The following MDGA2 variants were observed in gnomAD, a reference collection of about 807,000 sequenced individuals.
MDGA2 encodes MAM domain-containing glycosylphosphatidylinositol anchor protein 2.
MDGA2 carries 40 observed loss-of-function variants against 117.8 expected under a neutral mutation model. The observed-to-expected ratio is 0.34, with a 90% confidence interval of 0.26 to 0.44. The LOEUF (loss-of-function observed/expected upper bound fraction) is 0.44. MDGA2 is among the 20% of genes least tolerant of loss of function. MDGA2 has a pLI of 1.00. For missense variants in MDGA2, 1,123 were observed against 1,250.6 expected, an observed-to-expected ratio of 0.90 and a Z score of 1.54; for synonymous variants, 452 against 439.0, an observed-to-expected ratio of 1.03 and a Z score of -0.37.
chr14:47,098,162 G>GT (rs113151791), intron 5 of MDGA2, among the ~76,000 whole-genome samples: 11 of 141,686 alleles, frequency 7.8e-5, no homozygotes, highest in African/African-American at 2.1e-4. Context: ...ATTGTACTGT[G>GT]TTTTTTTTAA....
intron 1 of MDGA2, among the ~76,000 whole-genome samples, chr14:47,413,855 G>C (rs1892423063): frequency 2.0e-5 from 3 of 151,960 alleles, no homozygotes; most frequent in African/African-American, 7.2e-5. Flanking sequence ...CATGGCAACA[G>C]CATGGTTAGA....
At chr14:47,287,279 G>T (rs1327951202) in intron 2 of MDGA2, among the ~76,000 whole-genome samples, 1 of 152,004 alleles carries the variant, frequency 6.6e-6, no homozygotes, top group Non-Finnish European at 1.5e-5. Context: ...TGTTTACTTA[G>T]TTAGCAAAGA....
intron 1 of MDGA2, among the ~76,000 whole-genome samples, chr14:47,494,208 T>A (rs1178685310): frequency 6.6e-6 from 1 of 152,216 alleles, no homozygotes; most frequent in Non-Finnish European, 1.5e-5. Context: ...CTTTATAAAT[T>A]GCCCAGTCTT....
intron 9 of MDGA2, among the ~76,000 whole-genome samples, chr14:46,939,182 A>C (rs1249701834): frequency 6.6e-6 from 1 of 152,088 alleles, no homozygotes; most frequent in Non-Finnish European, 1.5e-5. Flanking sequence ...AGGAGGGATA[A>C]ATTGTAGTGT....
rs568972742 is a variant in MDGA2 at position 47,341,066 on chromosome 14, G to A, written c.281-39516C>T. Among the ~76,000 whole-genome samples the A allele has an allele frequency of 7.9e-5, 12 of 152,230 alleles. No homozygotes were observed. In the East Asian group the frequency reaches 2.1e-3, roughly 27 times the overall value. On this transcript the variant is annotated intron_variant, in intron 1 of 16. Transcript: ENST00000399232. ...GCCTTATCTTCACATTTTAACAGCA[G>A]CTTGTTGTTGCTTTCTATATAAGAA...
intron 1 of MDGA2, among the ~76,000 whole-genome samples, chr14:47,594,405 G>A (rs1220328338): frequency 6.6e-6 from 1 of 152,186 alleles, no homozygotes; most frequent in Non-Finnish European, 1.5e-5. Context: ...GAGAGCATGT[G>A]CATAAATTCA....
chr14:47,665,642 C>T (rs1047823023), intron 1 of MDGA2, among the ~76,000 whole-genome samples: 4 of 152,276 alleles, frequency 2.6e-5, no homozygotes, highest in Admixed American at 1.3e-4. Context: ...CTGGCCCTGC[C>T]GGCCCTGAGC....
At chr14:47,225,327 C>G (rs930241785) in intron 2 of MDGA2, among the ~76,000 whole-genome samples, 2 of 151,842 alleles carry the variant, frequency 1.3e-5, no homozygotes, top group East Asian at 3.9e-4. Flanking sequence ...ACCCAAAGGA[C>G]TATAAATCAT....
intron 1 of MDGA2, among the ~76,000 whole-genome samples, chr14:47,373,863 A>AT (rs889154105): frequency 7.9e-5 from 12 of 152,138 alleles, no homozygotes; most frequent in African/African-American, 2.9e-4. Flanking sequence ...CCTATGACCA[A>AT]TTTTTTCAAC....
chr14:46,918,082 C>G (rs1264750535), intron 10 of MDGA2, among the ~76,000 whole-genome samples: 1 of 152,032 alleles, frequency 6.6e-6, no homozygotes, highest in African/African-American at 2.4e-5. Context: ...AAACACACAG[C>G]TAGTAATGGG....
intron 2 of MDGA2, among the ~76,000 whole-genome samples, chr14:47,235,082 A>G (rs1239709596): frequency 6.6e-6 from 1 of 152,196 alleles, no homozygotes; most frequent in African/African-American, 2.4e-5. Context: ...CATCACTTAC[A>G]ATATTGTCTT....
At chr14:47,660,507 C>G (rs1054572985) in intron 1 of MDGA2, among the ~76,000 whole-genome samples, 18 of 152,198 alleles carry the variant, frequency 1.2e-4, no homozygotes, top group African/African-American at 4.3e-4. Context: ...CTGAGGAACT[C>G]ACTGTCAGCT....
chr14:47,381,176 A>T (rs553222853), intron 1 of MDGA2, among the ~76,000 whole-genome samples: 1 of 152,204 alleles, frequency 6.6e-6, no homozygotes, highest in South Asian at 2.1e-4. Context: ...CAAGCTAAAA[A>T]CTCTCAATAA....
chr14:47,184,545 A>G (rs1035702323), intron 3 of MDGA2, among the ~76,000 whole-genome samples: 1 of 151,886 alleles, frequency 6.6e-6, no homozygotes, highest in Non-Finnish European at 1.5e-5. Context: ...TTCATCACCT[A>G]TAAGACTAGC....
intron 8 of MDGA2, among the ~76,000 whole-genome samples, chr14:47,021,895 C>T (rs1479561101): frequency 6.6e-6 from 1 of 152,090 alleles, no homozygotes; most frequent in Non-Finnish European, 1.5e-5. Context: ...TATCATGCCC[C>T]TATTCCAGAC....
chr14:47,408,869 G>C (rs1321543875), intron 1 of MDGA2, among the ~76,000 whole-genome samples: 1 of 152,184 alleles, frequency 6.6e-6, no homozygotes, highest in South Asian at 2.1e-4. Context: ...CTCTTATCAA[G>C]AAGGTAATAT....
At chr14:47,270,290 C>T (rs1358635396) in intron 2 of MDGA2, among the ~76,000 whole-genome samples, 2 of 152,008 alleles carry the variant, frequency 1.3e-5, no homozygotes, top group African/African-American at 2.4e-5. Flanking sequence ...TTTTCTACTG[C>T]GTGTATGTGC....
chr14:47,561,154 T>TTTG (rs1566515913), intron 1 of MDGA2, among the ~76,000 whole-genome samples: 1 of 39,238 alleles, frequency 2.5e-5, no homozygotes, highest in South Asian at 1.1e-3. Flanking sequence ...TTTTTTTTTG[T>TTTG]TTTGTTTTGT....
intron 5 of MDGA2, among the ~76,000 whole-genome samples, chr14:47,122,429 G>C (rs1594645008): frequency 6.6e-6 from 1 of 152,198 alleles, no homozygotes; most frequent in Middle Eastern, 3.4e-3. Flanking sequence ...GGACTATTGG[G>C]TTTCCCAGGA....
Sources: allele counts gnomAD v4.1 joint callset (sites outside exome capture counted in the v4.1 genomes callset), GRCh38; gene constraint gnomAD v4.1.1; transcripts MANE v1.5; gene names NCBI Gene and HGNC (gene_info 2026-07-23, HGNC 2026-07-21).